LEPR: variants seen among roughly 807,000 people sequenced by gnomAD.
The protein encoded by LEPR is OB receptor.
A neutral mutation model predicts 114.7 loss-of-function variants in LEPR; 56 were observed. The observed-to-expected ratio is 0.49, with a 90% CI of 0.39 to 0.61. The LOEUF (loss-of-function observed/expected upper bound fraction) is 0.61, where lower values mean the gene tolerates loss of function less well. Ranked by LOEUF, LEPR falls within the 20% of genes least tolerant of loss-of-function variation. The pLI, the probability that LEPR is intolerant of heterozygous loss-of-function variation, is 0.00. For missense variants in LEPR, 1,202 were observed against 1,352.9 expected (o/e 0.89, Z 1.75); for synonymous variants, 443 against 461.4 (o/e 0.96, Z 0.51).
intron 6 of LEPR, among the ~76,000 whole-genome samples, chr1:65,595,955 G>A (rs550827054): frequency 1.3e-5 from 2 of 152,198 alleles, no homozygotes; most frequent in African/African-American, 4.8e-5. Context: ...TATTTATGCT[G>A]TCAGTTATTT....
chr1:65,449,260 C>CTTTTTTTTTT (rs201429452), intron 2 of LEPR, among the ~76,000 whole-genome samples: 1 of 118,560 alleles, frequency 8.4e-6, no homozygotes, highest in African/African-American at 3.1e-5. Flanking sequence ...TTTTATTTAT[C>CTTTTTTTTTT]TTTTTTTTTT....
chr1:65,535,386 G>C (rs1360764977), intron 2 of LEPR, among the ~76,000 whole-genome samples: 2 of 151,136 alleles, frequency 1.3e-5, no homozygotes, highest in Non-Finnish European at 2.9e-5. Context: ...ATTTTTTTAA[G>C]ACAGTGTCTC....
At chr1:65,630,410 T>TAAA (rs774902030) in intron 19 of LEPR, 64 of 105,576 alleles carry the variant, frequency 6.1e-4, no homozygotes, top group Middle Eastern at 8.7e-3. Flanking sequence ...GAATGATCAA[T>TAAA]AAAAAAAAAA....
chr1:65,427,427 C>T (rs1463660472), intron 2 of LEPR, among the ~76,000 whole-genome samples: 1 of 152,112 alleles, frequency 6.6e-6, no homozygotes, highest in East Asian at 1.9e-4. Flanking sequence ...TAAAATAAGC[C>T]AGGCATGGTG....
At chr1:65,624,895 G>T (rs902200175) in intron 19 of LEPR, among the ~76,000 whole-genome samples, 1 of 152,134 alleles carries the variant, frequency 6.6e-6, no homozygotes, top group African/African-American at 2.4e-5. Flanking sequence ...CAGCAGTAGT[G>T]TTGTTTTATA....
At chr1:65,542,653 T>C (rs10889561) in intron 2 of LEPR, among the ~76,000 whole-genome samples, 111,408 of 151,432 alleles carry the variant, frequency 0.74, 42,291 homozygotes, top group Middle Eastern at 0.89. Context: ...GTGATGTTTC[T>C]CTCCCTGTGT....
rs1233465014 is a variant in LEPR, at chr1:65,575,948, G to C, written c.494+3499G>C. 2.0e-5 allele frequency among the ~76,000 whole-genome samples: 3 copies of C among 151,444 alleles called. 1 individual carries two copies. In the South Asian group the frequency reaches 6.2e-4, roughly 31 times the overall value. ...TGCTCCCATCTCTATCAGATCTGCT[G>C]TGTTACCTCTGTTAACATTCCCAGG... On this transcript the variant is annotated intron_variant, in intron 5 of 19. Transcript: ENST00000349533.
intron 2 of LEPR, chr1:65,433,744 G>A (rs1646520379): frequency 2.2e-6 from 2 of 918,008 alleles, no homozygotes; most frequent in Non-Finnish European, 2.6e-6. Context: ...ATTTTAACCG[G>A]CATTTTTAAT....
chr1:65,423,518 G>A lies in LEPR; in HGVS notation c.-96-1785G>A, dbSNP rs1452313772. Among the ~76,000 whole-genome samples the A allele has an allele frequency of 2.0e-5, 3 of 152,194 alleles. No individual in the cohort carries two copies. The East Asian group carries it at 5.8e-4, about 29-fold the overall frequency. ...GTACTGCCGATGGTCAGGCACAGAG[G>A]AGAGGAGCAAAGCCTGCTGGGAAAA... is the stretch of plus-strand genomic sequence containing the variant. On this transcript the variant is annotated intron_variant, in intron 1 of 19. Transcript: ENST00000349533.
intron 2 of LEPR, chr1:65,433,908 C>T: frequency 1.0e-6 from 1 of 985,124 alleles, no homozygotes. Flanking sequence ...GAGCAATAAT[C>T]TGTCCTAACA....
chr1:65,422,456 G>A (rs1173056801), intron 1 of LEPR, among the ~76,000 whole-genome samples: 1 of 152,218 alleles, frequency 6.6e-6, no homozygotes, highest in African/African-American at 2.4e-5. Context: ...CCAGCCTCCA[G>A]AACTGTCAGA....
At chr1:65,518,001 T>G (rs903794922) in intron 2 of LEPR, among the ~76,000 whole-genome samples, 7 of 152,216 alleles carry the variant, frequency 4.6e-5, no homozygotes, top group African/African-American at 1.7e-4. Context: ...TCCTCCTAAA[T>G]GTAGTTTTCT....
chr1:65,421,423 G>C, intron 1 of LEPR: 1 of 1,536,098 alleles, frequency 6.5e-7, no homozygotes, highest in Non-Finnish European at 8.7e-7. Flanking sequence ...AGCAATGCGA[G>C]ACGGAAAAGG....
chr1:65,544,322 C>T (rs1327632362), intron 2 of LEPR, among the ~76,000 whole-genome samples: 1 of 152,006 alleles, frequency 6.6e-6, no homozygotes, highest in East Asian at 1.9e-4. Context: ...AGTTGCTTAT[C>T]AGCTTAAGGA....
intron 14 of LEPR, among the ~76,000 whole-genome samples, chr1:65,611,929 G>T (rs1657194719): frequency 6.6e-6 from 1 of 152,132 alleles, no homozygotes; most frequent in Non-Finnish European, 1.5e-5. Flanking sequence ...AAGCTCTATG[G>T]GTTCTTTAGG....
chr1:65,444,806 GTAA>G (rs1352225552), intron 2 of LEPR, among the ~76,000 whole-genome samples: 3 of 152,140 alleles, frequency 2.0e-5, no homozygotes, highest in Non-Finnish European at 4.4e-5. Flanking sequence ...CTTTATTGTT[GTAA>G]TAATGTGTGC....
At chr1:65,514,311 A>C (rs950058443) in intron 2 of LEPR, among the ~76,000 whole-genome samples, 9 of 152,224 alleles carry the variant, frequency 5.9e-5, no homozygotes, top group Non-Finnish European at 1.2e-4. Flanking sequence ...AATGAGTTAC[A>C]CGTTGAGCAA....
chr1:65,608,709 C>G, intron 11 of LEPR, 44 bp from the exon 12 acceptor site: 4 of 1,584,658 alleles, frequency 2.5e-6, no homozygotes, highest in Non-Finnish European at 3.4e-6. Flanking sequence ...GGCATTATTA[C>G]TATTTAAATT....
At chr1:65,504,300 A>G (rs1648611335) in intron 2 of LEPR, among the ~76,000 whole-genome samples, 1 of 152,190 alleles carries the variant, frequency 6.6e-6, no homozygotes, top group African/African-American at 2.4e-5. Flanking sequence ...CTCTGTAAGC[A>G]TGGATCGTGC....
Sources: gnomAD v4.1 joint callset for allele counts (sites outside exome capture counted in the v4.1 genomes callset) on GRCh38, gnomAD v4.1.1 for gene constraint, MANE v1.5 for transcripts, NCBI Gene and HGNC (gene_info 2026-07-23, HGNC 2026-07-21) for gene names.